LHFPL3: variants seen among roughly 807,000 people sequenced by gnomAD.
LHFPL3 encodes LHFPL tetraspan subfamily member 3, also known as LHFPL tetraspan subfamily member 3 protein.
Under a neutral mutation model 19.3 loss-of-function variants are expected in LHFPL3, and 5 were observed. The ratio of observed to expected loss-of-function variants is 0.26; its 90% confidence interval spans 0.14 to 0.54. The LOEUF is 0.54. Among genes scored for constraint, LHFPL3 ranks in the 20% least tolerant of loss-of-function variants. LHFPL3 has a pLI of 0.94. For missense variants in LHFPL3, 249 were observed against 307.4 expected (o/e 0.81, Z 1.42); for synonymous variants, 133 against 126.2 (o/e 1.05, Z -0.36).
intron 1 of LHFPL3, among the ~76,000 whole-genome samples, chr7:104,517,504 GC>G (rs1237198144): frequency 1.4e-5 from 2 of 144,282 alleles, no homozygotes; most frequent in African/African-American, 2.6e-5. Flanking sequence ...TAATTGATTG[GC>G]CTTTTTTTTT....
intron 2 of LHFPL3, among the ~76,000 whole-genome samples, chr7:104,851,154 T>C (rs1419224186): frequency 6.6e-6 from 1 of 152,244 alleles, no homozygotes; most frequent in East Asian, 1.9e-4. Context: ...AATGTTTACT[T>C]TGACACATTA....
At chr7:104,726,428 C>T (rs62484623) in intron 1 of LHFPL3, among the ~76,000 whole-genome samples, 6,290 of 152,066 alleles carry the variant, frequency 0.041, 175 homozygotes, top group Non-Finnish European at 0.061. Flanking sequence ...CCTATCAAGC[C>T]GTCACCTAGG....
chr7:104,661,888 C>A (rs1394546736), intron 1 of LHFPL3, among the ~76,000 whole-genome samples: 1 of 152,158 alleles, frequency 6.6e-6, no homozygotes, highest in Non-Finnish European at 1.5e-5. Context: ...ACTACTCTTA[C>A]ACTCTGGGTC....
intron 2 of LHFPL3, among the ~76,000 whole-genome samples, chr7:104,769,619 C>A (rs1307436679): frequency 6.6e-6 from 1 of 151,446 alleles, no homozygotes; most frequent in Non-Finnish European, 1.5e-5. Flanking sequence ...GCCCCCCCAA[C>A]CCCCGACAGG....
At chr7:104,358,423 A>G (rs1025429353) in intron 1 of LHFPL3, among the ~76,000 whole-genome samples, 4 of 152,190 alleles carry the variant, frequency 2.6e-5, no homozygotes, top group Admixed American at 6.5e-5. Flanking sequence ...GTGTAATTTA[A>G]AAGTGTCAGT....
chr7:104,469,652 A>G (rs983323225), intron 1 of LHFPL3, among the ~76,000 whole-genome samples: 4 of 152,134 alleles, frequency 2.6e-5, no homozygotes, highest in Admixed American at 6.5e-5. Flanking sequence ...GATTTCCAGG[A>G]TTCATGGTGT....
At chr7:104,778,238 C>A (rs987024490) in intron 2 of LHFPL3, among the ~76,000 whole-genome samples, 1 of 152,178 alleles carries the variant, frequency 6.6e-6, no homozygotes, top group Non-Finnish European at 1.5e-5. Flanking sequence ...TCAATGGTCC[C>A]TAACCTCCTT....
In LHFPL3 at chr7:104,489,120, T is replaced by C. The variant is rs1252645098; in HGVS notation, c.445+159896T>C. 5.8e-5 allele frequency among the ~76,000 whole-genome samples: 2 copies of C among 34,324 alleles called. 1 individual carries two copies. The highest frequency in any genetic ancestry group is 2.0e-4 in the Non-Finnish European group (2 of 9,852). The allele number at this position is 34,324 out of a possible 152,430, so 22.5% of individuals were successfully genotyped here. A position where few individuals can be genotyped will look rare whatever the true frequency, so the allele number is the denominator to read the frequency against. The stretch of plus-strand genomic sequence containing the variant: ...TTTTTTGAGACGGAGTCTCGCTCTG[T>C]CGCCCAGGCTGGAGTGCAGTGGCGG... On this transcript the variant is annotated intron_variant, in intron 1 of 2. Transcript: ENST00000424859.
At chr7:104,619,372 C>T (rs961016355) in intron 1 of LHFPL3, among the ~76,000 whole-genome samples, 2 of 152,086 alleles carry the variant, frequency 1.3e-5, no homozygotes, top group Non-Finnish European at 2.9e-5. Flanking sequence ...TTTAAAACTT[C>T]TAATGTAATG....
intron 1 of LHFPL3, among the ~76,000 whole-genome samples, chr7:104,406,158 A>C (rs934579963): frequency 1.3e-5 from 2 of 152,148 alleles, no homozygotes; most frequent in Non-Finnish European, 1.5e-5. Flanking sequence ...TCCCCACCTA[A>C]ATTCTTGCCA....
intron 1 of LHFPL3, among the ~76,000 whole-genome samples, chr7:104,466,376 A>T (rs1445115274): frequency 6.6e-6 from 1 of 152,210 alleles, no homozygotes; most frequent in Non-Finnish European, 1.5e-5. Context: ...TTTAGGCAAT[A>T]CTGCATCTTT....
At chr7:104,368,613 C>G (rs931695740) in intron 1 of LHFPL3, among the ~76,000 whole-genome samples, 1 of 151,720 alleles carries the variant, frequency 6.6e-6, no homozygotes, top group Non-Finnish European at 1.5e-5. Flanking sequence ...TCGGCCTTAG[C>G]ATCTTTGTCC....
At chr7:104,850,701 A>G (rs1398900967) in intron 2 of LHFPL3, among the ~76,000 whole-genome samples, 1 of 152,166 alleles carries the variant, frequency 6.6e-6, no homozygotes, top group Non-Finnish European at 1.5e-5. Flanking sequence ...AAGTTTTCAA[A>G]CCCCAGACCT....
At chr7:104,437,212 C>T (rs1435791086) in intron 1 of LHFPL3, among the ~76,000 whole-genome samples, 3 of 152,298 alleles carry the variant, frequency 2.0e-5, no homozygotes, top group African/African-American at 4.8e-5. Context: ...AGAGGTAAAA[C>T]AATTTTTATA....
chr7:104,621,346 T>G (rs1189878193), intron 1 of LHFPL3, among the ~76,000 whole-genome samples: 1 of 152,222 alleles, frequency 6.6e-6, no homozygotes, highest in African/African-American at 2.4e-5. Flanking sequence ...ACAAGCATGC[T>G]CATGCTGTTT....
intron 1 of LHFPL3, among the ~76,000 whole-genome samples, chr7:104,443,746 A>G (rs1479062157): frequency 6.6e-6 from 1 of 152,238 alleles, no homozygotes; most frequent in Non-Finnish European, 1.5e-5. Flanking sequence ...TGTAGATTGC[A>G]GATGCTGATG....
chr7:104,824,947 T>G (rs1459366838), intron 2 of LHFPL3, among the ~76,000 whole-genome samples: 3 of 143,472 alleles, frequency 2.1e-5, no homozygotes, highest in Non-Finnish European at 4.5e-5. Flanking sequence ...TATAATGTGT[T>G]TAGGAGCTTT....
At chr7:104,706,287 C>T (rs1357765331) in intron 1 of LHFPL3, among the ~76,000 whole-genome samples, 1 of 152,154 alleles carries the variant, frequency 6.6e-6, no homozygotes, top group African/African-American at 2.4e-5. Context: ...GCCAGTGTCA[C>T]CACCGAGAGG....
At chr7:104,779,781 T>A (rs1259390988) in intron 2 of LHFPL3, among the ~76,000 whole-genome samples, 1 of 152,212 alleles carries the variant, frequency 6.6e-6, no homozygotes, top group African/African-American at 2.4e-5. Flanking sequence ...TTGATGGAGA[T>A]GCAGGTCTGA....
Sources: allele counts gnomAD v4.1 joint callset (sites outside exome capture counted in the v4.1 genomes callset), GRCh38; gene constraint gnomAD v4.1.1; transcripts MANE v1.5; gene names NCBI Gene and HGNC (gene_info 2026-07-23, HGNC 2026-07-21).